Variants in GLIS3 observed in about 807,000 individuals in gnomAD.
GLIS3 encodes the protein GLIS family zinc finger 3.
Under a neutral mutation model 78.6 loss-of-function variants are expected in GLIS3, and 53 were observed. The observed-to-expected ratio is 0.67, with a 90% CI of 0.54 to 0.85. The LOEUF is 0.85. GLIS3 is among the 40% of genes least tolerant of loss of function. The pLI, the probability that GLIS3 is intolerant of heterozygous loss-of-function variation, is 0.00. For missense variants in GLIS3, 1,703 were observed against 1,231.1 expected, an observed-to-expected ratio of 1.38 and a Z score of -5.74; for synonymous variants, 684 against 509.9, an observed-to-expected ratio of 1.34 and a Z score of -4.60.
chr9:4,314,038 G>C (rs1333839716), intron 2 of GLIS3, among the ~76,000 whole-genome samples: 1 of 152,220 alleles, frequency 6.6e-6, no homozygotes, highest in Non-Finnish European at 1.5e-5. Flanking sequence ...TATTGCCTGA[G>C]TTTAAGCCAA....
chr9:3,984,298 C>T (rs757807017), intron 4 of GLIS3, among the ~76,000 whole-genome samples: 17 of 152,210 alleles, frequency 1.1e-4, no homozygotes, highest in Admixed American at 2.0e-4. Context: ...CTGGGAGGGA[C>T]GCTATACCCC....
chr9:3,851,601 C>T (rs1215529794), intron 9 of GLIS3, among the ~76,000 whole-genome samples: 1 of 152,070 alleles, frequency 6.6e-6, no homozygotes, highest in Non-Finnish European at 1.5e-5. Flanking sequence ...AATGCCGCAA[C>T]AAAAATATAG....
chr9:4,331,037 G>A (rs570066687), intron 2 of GLIS3, among the ~76,000 whole-genome samples: 5 of 152,262 alleles, frequency 3.3e-5, no homozygotes, highest in East Asian at 1.9e-4. Context: ...CTTGCCCTGA[G>A]CCATCTGTAT....
chr9:4,161,282 A>G (rs1015308230), intron 2 of GLIS3, among the ~76,000 whole-genome samples: 4 of 152,086 alleles, frequency 2.6e-5, no homozygotes, highest in Non-Finnish European at 5.9e-5. Context: ...CAAAATAAAT[A>G]AACAAATAAG....
At chr9:4,196,271 T>TCCAATCAGCTCTCTGTAAAATGGA (rs1397230874) in intron 2 of GLIS3, among the ~76,000 whole-genome samples, 49 of 151,780 alleles carry the variant, frequency 3.2e-4, no homozygotes, top group Non-Finnish European at 6.3e-4. Context: ...GTCAAAACAG[T>TCCAATCAGCTCTCTGTAAAATGGA]CCAATCAGCT....
intron 2 of GLIS3, among the ~76,000 whole-genome samples, chr9:4,312,885 T>A (rs1817386049): frequency 6.6e-6 from 1 of 152,206 alleles, no homozygotes; most frequent in Admixed American, 6.5e-5. Context: ...ATGTTACATA[T>A]ATTAGTTCAT....
At chr9:4,301,784 T>C (rs1278405320), upstream of GLIS3, among the ~76,000 whole-genome samples, 2 of 152,112 alleles carry the variant, frequency 1.3e-5, no homozygotes, top group African/African-American at 4.8e-5. Context: ...GAAAAAAATA[T>C]AGTGCTACAC....
intron 3 of GLIS3, among the ~76,000 whole-genome samples, chr9:4,123,450 A>T (rs1832337369): frequency 6.6e-6 from 1 of 152,174 alleles, no homozygotes; most frequent in African/African-American, 2.4e-5. Flanking sequence ...GTGCAACAAA[A>T]GATGTACAGA....
At chr9:3,844,388 G>T (rs1260802889) in intron 9 of GLIS3, among the ~76,000 whole-genome samples, 5 of 152,066 alleles carry the variant, frequency 3.3e-5, no homozygotes, top group Admixed American at 2.6e-4. Flanking sequence ...TCCAACAGAG[G>T]AACGCCTAGA....
intron 8 of GLIS3, among the ~76,000 whole-genome samples, chr9:3,859,809 C>T (rs899222053): frequency 5.3e-5 from 8 of 151,846 alleles, no homozygotes; most frequent in Non-Finnish European, 1.2e-4. Flanking sequence ...ACATAACAGA[C>T]TAGAAAAAAA....
At position 4,276,790 on chromosome 9, in the gene GLIS3, T is replaced by A. The variant is rs558622571; in HGVS notation, c.388+9248A>T. Among the ~76,000 whole-genome samples, 402 of 152,274 alleles carry A rather than the reference T, an allele frequency of 2.6e-3. 2 individuals are homozygous for A. The highest frequency in any genetic ancestry group is 9.4e-3 in the African/African-American group (389 of 41,550). On this transcript the variant is annotated intron_variant, in intron 2 of 10. Coordinates refer to ENST00000381971, the MANE Select transcript of GLIS3 (RefSeq NM_001042413.2). ...TTGATTTATACAAAGCATCAATAAATCATACAAACTGGACCCTGTGTAGCT... is the reference window on the plus strand; with the variant it reads ...TTGATTTATACAAAGCATCAATAAAACATACAAACTGGACCCTGTGTAGCT...
At chr9:4,435,717 A>C in the GLIS3 span, among the ~76,000 whole-genome samples, 1 of 152,236 alleles carries the variant, frequency 6.6e-6, no homozygotes, top group Non-Finnish European at 1.5e-5. Context: ...TGGGAGGCCA[A>C]GGCGGGCGGA....
intron 2 of GLIS3, among the ~76,000 whole-genome samples, chr9:4,155,923 T>A (rs1445500308): frequency 6.6e-6 from 1 of 152,206 alleles, no homozygotes; most frequent in Non-Finnish European, 1.5e-5. Flanking sequence ...CACCTAAGCA[T>A]CTTCCCACTA....
At chr9:4,089,748 G>C (rs2130744381) in intron 4 of GLIS3, among the ~76,000 whole-genome samples, 1 of 152,240 alleles carries the variant, frequency 6.6e-6, no homozygotes, top group South Asian at 2.1e-4. Context: ...GAGTCCAGGA[G>C]TTTGAGGCTA....
At chr9:4,289,248 A>G (rs1828251910) in intron 1 of GLIS3, among the ~76,000 whole-genome samples, 1 of 152,176 alleles carries the variant, frequency 6.6e-6, no homozygotes, top group African/African-American at 2.4e-5. Context: ...GCCTCTTGAA[A>G]TTCTGTAACT....
At chr9:4,397,437 A>G in the GLIS3 span, among the ~76,000 whole-genome samples, 10,156 of 151,566 alleles carry the variant, frequency 0.067, 396 homozygotes, top group South Asian at 0.12. Context: ...ACTGATTTTG[A>G]TAGCAGTACA....
chr9:4,379,600 G>GGT, the GLIS3 span, among the ~76,000 whole-genome samples: 1 of 152,132 alleles, frequency 6.6e-6, no homozygotes, highest in Non-Finnish European at 1.5e-5. Flanking sequence ...ATTGCCATTG[G>GGT]GTGGTGGCAG....
chr9:4,090,370 C>T (rs749240896), intron 4 of GLIS3, among the ~76,000 whole-genome samples: 5 of 151,308 alleles, frequency 3.3e-5, no homozygotes, highest in Non-Finnish European at 5.9e-5. Flanking sequence ...GATTCACGCT[C>T]AATAAAAACA....
chr9:4,330,974 C>T (rs1817675972), intron 2 of GLIS3, among the ~76,000 whole-genome samples: 1 of 152,218 alleles, frequency 6.6e-6, no homozygotes, highest in African/African-American at 2.4e-5. Context: ...GGACCCTTTA[C>T]TGGCAGCTAC....
Sources: gnomAD v4.1 joint callset for allele counts (sites outside exome capture counted in the v4.1 genomes callset) on GRCh38, gnomAD v4.1.1 for gene constraint, MANE v1.5 for transcripts, NCBI Gene and HGNC (gene_info 2026-07-23, HGNC 2026-07-21) for gene names.